Variants in ZFAT observed in about 807,000 individuals in gnomAD.
ZFAT encodes the protein zinc finger protein ZFAT.
In ZFAT, 64 loss-of-function variants were observed where a neutral mutation model predicts 117.7. That is an observed-to-expected ratio of 0.54 (90% CI 0.44 to 0.67). The LOEUF is 0.67. ZFAT is among the 30% of genes least tolerant of loss of function. The pLI is 0.00. For missense variants in ZFAT, 1,433 were observed against 1,584.5 expected (o/e 0.90, Z 1.62); for synonymous variants, 679 against 615.0 (o/e 1.10, Z -1.54).
chr8:134,805,320 A>G, the ZFAT span, among the ~76,000 whole-genome samples: 2 of 152,212 alleles, frequency 1.3e-5, no homozygotes, highest in African/African-American at 4.8e-5. Context: ...GTGACCATAC[A>G]TTTCATGGAT....
At chr8:134,791,999 A>G in the ZFAT span, 1 of 152,246 alleles carries the variant, frequency 6.6e-6, no homozygotes, top group East Asian at 1.9e-4. Context: ...ATCAAATGAA[A>G]AAAACACCAA....
At chr8:134,597,500 C>T (rs1827048622) in intron 7 of ZFAT, 1 of 152,306 alleles carries the variant, frequency 6.6e-6, no homozygotes, top group South Asian at 2.1e-4. Context: ...TCCAGACAGC[C>T]CTCAGAACCC....
intron 11 of ZFAT, among the ~76,000 whole-genome samples, chr8:134,557,189 C>T (rs756278594): frequency 6.6e-6 from 1 of 152,074 alleles, no homozygotes; most frequent in Non-Finnish European, 1.5e-5. Flanking sequence ...TTAAGGTCTA[C>T]AGCAACCACT....
chr8:134,559,729 G>GA (rs1412639713), intron 11 of ZFAT, among the ~76,000 whole-genome samples: 1 of 152,084 alleles, frequency 6.6e-6, no homozygotes, highest in Non-Finnish European at 1.5e-5. Context: ...TCTGATAAGT[G>GA]AAAAATGGTA....
At chr8:134,518,057 T>C (rs979788222) in intron 13 of ZFAT, among the ~76,000 whole-genome samples, 2 of 152,222 alleles carry the variant, frequency 1.3e-5, no homozygotes, top group Non-Finnish European at 2.9e-5. Context: ...GAATATCTCA[T>C]TTCTCCTTAA....
At chr8:134,512,410 G>C in intron 14 of ZFAT, 65 bp downstream of exon 14, 1 of 1,579,448 alleles carries the variant, frequency 6.3e-7, no homozygotes, top group Non-Finnish European at 8.6e-7. Context: ...ATCTGCAAAC[G>C]CATTCATTCA....
chr8:134,556,234 G>A (rs553965277), intron 11 of ZFAT, among the ~76,000 whole-genome samples: 144 of 152,182 alleles, frequency 9.5e-4, no homozygotes, highest in African/African-American at 3.3e-3. Flanking sequence ...AAGGCAAATA[G>A]AAATCATACA....
At chr8:134,825,386 G>C in the ZFAT span, among the ~76,000 whole-genome samples, 1 of 152,116 alleles carries the variant, frequency 6.6e-6, no homozygotes, top group South Asian at 2.1e-4. Context: ...ACATTTGTGG[G>C]GAACACAATC....
At chr8:134,479,828 T>A (rs938449136) in intron 15 of ZFAT, among the ~76,000 whole-genome samples, 1 of 152,164 alleles carries the variant, frequency 6.6e-6, no homozygotes, top group African/African-American at 2.4e-5. Context: ...AGTCTATTCA[T>A]CTGTAAAACA....
At chr8:134,760,814 C>G in the ZFAT span, among the ~76,000 whole-genome samples, 1 of 152,134 alleles carries the variant, frequency 6.6e-6, no homozygotes, top group Admixed American at 6.5e-5. Flanking sequence ...TGAGAACATA[C>G]GAGAATTTTA....
At chr8:134,674,012 C>T (rs2131273158) in intron 1 of ZFAT, among the ~76,000 whole-genome samples, 1 of 152,336 alleles carries the variant, frequency 6.6e-6, no homozygotes, top group East Asian at 1.9e-4. Context: ...TGGTCTGCAG[C>T]TCCCAGTGAG....
intron 3 of ZFAT, among the ~76,000 whole-genome samples, chr8:134,627,892 G>A (rs1829624882): frequency 6.6e-6 from 1 of 152,212 alleles, no homozygotes; most frequent in Non-Finnish European, 1.5e-5. Flanking sequence ...AAAGAGAGAT[G>A]TGTCCCTATT....
chr8:134,789,085 C>T, the ZFAT span, among the ~76,000 whole-genome samples: 1 of 152,166 alleles, frequency 6.6e-6, no homozygotes, highest in East Asian at 1.9e-4. Context: ...AAATTTGACC[C>T]ATTTGTTTTA....
chr8:134,712,910 GC>G lies in ZFAT; in HGVS notation c.-48del. 4 of 1,487,426 alleles carry G rather than the reference GC, an allele frequency of 2.7e-6. No individual in the cohort carries two copies. Among genetic ancestry groups the G allele is most frequent in the African/African-American group, 1.5e-5 (1 of 68,010 alleles). The allele number at this position is 1,487,426 out of a possible 1,614,324, so 92.1% of individuals were successfully genotyped here. A position where few individuals can be genotyped will look rare whatever the true frequency, so the allele number is the denominator to read the frequency against. ...AAAAAAAAGCCTCGGGCTCTTCCGGGCCCCCTCCCGTGCCGACCGAGGGGGC... is the reference window on the plus strand; with the variant it reads ...AAAAAAAAGCCTCGGGCTCTTCCGGGCCCCTCCCGTGCCGACCGAGGGGGC... On this transcript the variant is annotated 5_prime_UTR_variant, in exon 1 of 16. Transcript: ENST00000377838.
chr8:134,555,061 T>C (rs989976332), intron 11 of ZFAT, among the ~76,000 whole-genome samples: 9 of 152,198 alleles, frequency 5.9e-5, no homozygotes, highest in Admixed American at 1.3e-4. Context: ...CAATTTATTA[T>C]AGTAAAAGAA....
At chr8:134,720,918 C>T in the ZFAT span, among the ~76,000 whole-genome samples, 1 of 152,220 alleles carries the variant, frequency 6.6e-6, no homozygotes, top group Non-Finnish European at 1.5e-5. Context: ...AGCCTTCACA[C>T]CATCCTGTAG....
the ZFAT span, among the ~76,000 whole-genome samples, chr8:134,807,722 A>G: frequency 6.6e-6 from 1 of 151,878 alleles, no homozygotes; most frequent in African/African-American, 2.4e-5. Context: ...ATGGAAAAAA[A>G]AAAAAACAAA....
At chr8:134,546,497 T>C (rs1822706886) in intron 11 of ZFAT, among the ~76,000 whole-genome samples, 1 of 152,218 alleles carries the variant, frequency 6.6e-6, no homozygotes, top group South Asian at 2.1e-4. Flanking sequence ...TCCCAAGTTC[T>C]TGAGAACTTT....
rs866952316 is a variant in ZFAT, at chr8:134,565,383, C to T, written c.2926G>A (p.Ala976Thr). ...FKCTVCDYTA[A>T]QKPQLLRHME... ...TGCCGCAGCAGCTGTGGCTTCTGGG[C>T]CGCTGTGTAGTCACACACCGTGCAC... Residue 976 changes from alanine to threonine, a missense_variant, in exon 11 of 16, where the codon GCC becomes ACC. Physicochemically the swap from Ala to Thr is moderately conservative, Grantham distance 58. Transcript: ENST00000377838. 2.5e-6 allele frequency: 4 copies of T among 1,613,770 alleles called. No homozygotes were observed. The African/African-American group carries it at 5.3e-5, about 22-fold the overall frequency.
Sources: gnomAD v4.1 joint callset for allele counts (sites outside exome capture counted in the v4.1 genomes callset) on GRCh38, gnomAD v4.1.1 for gene constraint, MANE v1.5 for transcripts, NCBI Gene and HGNC (gene_info 2026-07-23, HGNC 2026-07-21) for gene names.